The following MYO9A variants were observed in gnomAD, a reference collection of about 807,000 sequenced individuals.
The protein encoded by MYO9A is unconventional myosin-IXa.
Under a neutral mutation model 293.3 loss-of-function variants are expected in MYO9A, and 103 were observed. The ratio of observed to expected loss-of-function variants is 0.35; its 90% CI spans 0.30 to 0.41. The LOEUF is 0.41. Ranked by LOEUF, MYO9A falls within the 10% of genes least tolerant of loss-of-function variation. The probability of loss-of-function intolerance (pLI) is 1.00; values close to 1 mark genes in which losing one functional copy is unlikely to be tolerated. For missense variants in MYO9A, 2,685 were observed against 3,033.0 expected (o/e 0.89, Z 2.69); for synonymous variants, 1,001 against 1,035.7 (o/e 0.97, Z 0.64).
At chr15:72,088,142 T>G (rs2079800906) in intron 1 of MYO9A, among the ~76,000 whole-genome samples, 1 of 152,214 alleles carries the variant, frequency 6.6e-6, no homozygotes, top group Non-Finnish European at 1.5e-5. Flanking sequence ...GGACTTCTAG[T>G]CACCAGGAGT....
chr15:71,890,470 C>A (rs937841562), intron 26 of MYO9A: 1 of 152,018 alleles, frequency 6.6e-6, no homozygotes, highest in Non-Finnish European at 1.5e-5. Context: ...ATTTTACTAA[C>A]CCGCTTACCA....
intron 2 of MYO9A, among the ~76,000 whole-genome samples, chr15:72,038,231 G>A (rs534626902): frequency 6.8e-4 from 103 of 152,198 alleles, no homozygotes; most frequent in African/African-American, 2.4e-3. Context: ...CCAAAATACA[G>A]AACTCTTAAA....
Position 71,875,803 on chromosome 15 carries a change from C to T in MYO9A, c.5967G>A (p.Lys1989=), listed in dbSNP as rs2056663528. The T allele has an allele frequency of 1.5e-6, 2 of 1,365,216 alleles. No individual in the cohort carries two copies. Among genetic ancestry groups the T allele is most frequent in the Admixed American group, 3.3e-5 (1 of 30,310 alleles). The allele number at this position is 1,365,216 out of a possible 1,614,324, so 84.6% of individuals were successfully genotyped here. Residue 1989 remains lysine, a synonymous_variant, in exon 32 of 42, where the codon AAG becomes AAA. Transcript: ENST00000356056. ...PKTERKKRRK[K]ETDLVEEHNG... ...GATTATAACTTACCAAATCAGTTTC[C>T]TTTTTCCTTCTTTTCTTTCTTTCTG...
intron 32 of MYO9A, among the ~76,000 whole-genome samples, chr15:71,867,434 A>G (rs1450013861): frequency 6.6e-6 from 1 of 152,194 alleles, no homozygotes; most frequent in Non-Finnish European, 1.5e-5. Flanking sequence ...AAAAAATATA[A>G]TAAGCCAAGT....
intron 28 of MYO9A, among the ~76,000 whole-genome samples, chr15:71,880,850 G>A (rs1389955679): frequency 6.6e-6 from 1 of 152,140 alleles, no homozygotes; most frequent in African/African-American, 2.4e-5. Flanking sequence ...TTTGCAGGAC[G>A]TCAAGTTAGA....
chr15:71,996,723 T>A (rs1178945422), intron 9 of MYO9A, among the ~76,000 whole-genome samples: 1 of 152,062 alleles, frequency 6.6e-6, no homozygotes, highest in Non-Finnish European at 1.5e-5. Flanking sequence ...TTTCTCCCTA[T>A]CAATATGTCA....
intron 1 of MYO9A, among the ~76,000 whole-genome samples, chr15:72,086,880 G>A (rs902678668): frequency 6.6e-6 from 1 of 152,084 alleles, no homozygotes; most frequent in Non-Finnish European, 1.5e-5. Context: ...CGATTCTCCT[G>A]CCTCAGCCTC....
chr15:72,042,603 C>CA (rs1555411608), intron 2 of MYO9A, among the ~76,000 whole-genome samples: 2 of 150,194 alleles, frequency 1.3e-5, no homozygotes, highest in East Asian at 3.9e-4. Context: ...AGAAACGAGA[C>CA]AAGGATGTTG....
At chr15:72,039,673 A>G (rs539878303) in intron 2 of MYO9A, among the ~76,000 whole-genome samples, 54 of 152,182 alleles carry the variant, frequency 3.5e-4, no homozygotes, top group African/African-American at 1.3e-3. Context: ...TACTAAAGAC[A>G]CAAAAATTAG....
intron 13 of MYO9A, among the ~76,000 whole-genome samples, chr15:71,966,265 AGTGTGTGTGT>A (rs377708464): frequency 0.013 from 1,816 of 134,948 alleles, 57 homozygotes; most frequent in Admixed American, 0.062. Flanking sequence ...ATCCCAGGCA[AGTGTGTGTGT>A]GTGTGTGTGT....
At chr15:71,952,826 T>C (rs956009709) in intron 14 of MYO9A, among the ~76,000 whole-genome samples, 1 of 152,194 alleles carries the variant, frequency 6.6e-6, no homozygotes, top group African/African-American at 2.4e-5. Flanking sequence ...AGGAATGAGA[T>C]ACAACAGAAC....
At chr15:72,099,422 C>CAAAA (rs57019438) in intron 1 of MYO9A, among the ~76,000 whole-genome samples, 1,526 of 86,696 alleles carry the variant, frequency 0.018, 37 homozygotes, top group Middle Eastern at 0.032. Context: ...GACCCTGCCC[C>CAAAA]AAAAAAAAAA....
chr15:71,925,413 C>A (rs1487269763), intron 18 of MYO9A, among the ~76,000 whole-genome samples: 3 of 150,354 alleles, frequency 2.0e-5, no homozygotes, highest in African/African-American at 4.9e-5. Context: ...ATATACATAT[C>A]TATGTATATG....
At chr15:72,117,624 C>G (rs1350823992) in intron 1 of MYO9A, 56 bp downstream of exon 1, 4 of 394,356 alleles carry the variant, frequency 1.0e-5, no homozygotes, top group Non-Finnish European at 1.8e-5. Context: ...AATAGCGAGG[C>G]TGAGACGTGG....
intron 13 of MYO9A, among the ~76,000 whole-genome samples, chr15:71,966,061 G>A (rs1007191111): frequency 2.6e-5 from 4 of 151,884 alleles, no homozygotes; most frequent in Non-Finnish European, 5.9e-5. Flanking sequence ...ATTTTTAGTA[G>A]AGATGAGGTT....
chr15:71,962,257 C>T (rs974540125), intron 13 of MYO9A, among the ~76,000 whole-genome samples: 2 of 152,098 alleles, frequency 1.3e-5, no homozygotes, highest in African/African-American at 2.4e-5. Context: ...GTAAGTAAAT[C>T]GCTCCAAGTT....
chr15:72,045,693 A>G, intron 2 of MYO9A, 31 bp downstream of exon 2: 1 of 1,534,870 alleles, frequency 6.5e-7, no homozygotes, highest in South Asian at 1.3e-5. Context: ...AATCAAAATT[A>G]AAATCAAAAA....
In MYO9A at chr15:71,908,160, T is replaced by C. The variant is rs534660208; in HGVS notation, c.2686-3154A>G. Among the ~76,000 whole-genome samples the C allele has an allele frequency of 8.5e-5, 13 of 152,352 alleles. No individual in the cohort carries two copies. In the South Asian group the frequency reaches 2.3e-3, roughly 27 times the overall value. On this transcript the variant is annotated intron_variant, in intron 19 of 41. Transcript: ENST00000356056. The stretch of plus-strand genomic sequence containing the variant: ...GGGGATCCAGTTTCAGCTTTCTACA[T>C]ATGGCTAGACAGTTTTCCCAGCACC...
At chr15:71,828,810 TTATC>T (rs774061246) in intron 40 of MYO9A, among the ~76,000 whole-genome samples, 1 of 152,186 alleles carries the variant, frequency 6.6e-6, no homozygotes, top group Non-Finnish European at 1.5e-5. Context: ...CTCCTCTACT[TTATC>T]TAAGCTACTT....
Sources: allele counts gnomAD v4.1 joint callset (sites outside exome capture counted in the v4.1 genomes callset), GRCh38; gene constraint gnomAD v4.1.1; transcripts MANE v1.5; gene names NCBI Gene and HGNC (gene_info 2026-07-23, HGNC 2026-07-21).